MEIOC: variants seen among roughly 807,000 people sequenced by gnomAD.
MEIOC encodes the protein meiosis-specific coiled-coil domain-containing protein MEIOC.
A neutral mutation model predicts 85.3 loss-of-function variants in MEIOC; 9 were observed. The observed-to-expected ratio is 0.11, with a 90% CI of 0.06 to 0.18. MEIOC has a LOEUF of 0.18. Ranked by LOEUF, MEIOC falls within the 10% of genes least tolerant of loss-of-function variation. MEIOC has a pLI of 1.00. For synonymous variants in MEIOC, 365 were observed against 393.7 expected, an observed-to-expected ratio of 0.93 and a Z score of 0.86; for missense variants, 898 against 1,129.4, an observed-to-expected ratio of 0.80 and a Z score of 2.94.
At chr17:44,671,919 A>AG (rs1026743941) in intron 6 of MEIOC, among the ~76,000 whole-genome samples, 2 of 151,580 alleles carry the variant, frequency 1.3e-5, no homozygotes, top group Admixed American at 1.3e-4. Flanking sequence ...AGAAAAAAAA[A>AG]AAATTACTAT....
intron 6 of MEIOC, chr17:44,669,740 G>C (rs982508854): frequency 2.3e-6 from 1 of 432,936 alleles, no homozygotes; most frequent in African/African-American, 2.0e-5. Context: ...TGCGCCTGTA[G>C]TCCCAGCTAC....
At chr17:44,657,641 C>A (rs1340957169) in intron 2 of MEIOC, among the ~76,000 whole-genome samples, 1 of 144,214 alleles carries the variant, frequency 6.9e-6, no homozygotes, top group Non-Finnish European at 1.5e-5. Context: ...TCAACCTCTG[C>A]CTCCGGGGCT....
Position 44,675,638 on chromosome 17 carries a change from C to T in MEIOC, c.*1442C>T, listed in dbSNP as rs1436146266. ...TGATCACTGATATGCCTTAGAACTA[C>T]CCAAATGAATTACATTGAGGGTAGT... On this transcript the variant is annotated 3_prime_UTR_variant, in exon 8 of 8. Transcript: ENST00000409122. 1.0e-6 allele frequency: 1 copy of T among 984,858 alleles called. No homozygotes were observed. The highest frequency in any genetic ancestry group is 1.2e-6 in the Non-Finnish European group (1 of 829,626). 61.0% of individuals were successfully genotyped at this position (984,858 alleles called of 1,614,324 possible). A position where few individuals can be genotyped will look rare whatever the true frequency, so the allele number is the denominator to read the frequency against.
intron 2 of MEIOC, among the ~76,000 whole-genome samples, chr17:44,657,552 G>A (rs1483523999): frequency 6.6e-6 from 1 of 150,894 alleles, no homozygotes; most frequent in African/African-American, 2.4e-5. Flanking sequence ...TGTTTGTTTT[G>A]TTTTTGTTTT....
Position 44,675,702 on chromosome 17 carries a change from A to G in MEIOC, c.*1506A>G. ...TCATCTCACCACAGTCACTGCATAG[A>G]AAGTGGTTAAGTTTAACATAAGACA... is the stretch of plus-strand genomic sequence containing the variant. On this transcript the variant is annotated 3_prime_UTR_variant, in exon 8 of 8. Transcript: ENST00000409122. 1 of 984,666 alleles carries G rather than the reference A, an allele frequency of 1.0e-6. No individual in the cohort carries two copies. Among genetic ancestry groups the G allele is most frequent in the Non-Finnish European group, 1.2e-6 (1 of 829,228 alleles). 61.0% of individuals were successfully genotyped at this position (984,666 alleles called of 1,614,324 possible). A position where few individuals can be genotyped will look rare whatever the true frequency, so the allele number is the denominator to read the frequency against.
chr17:44,659,453 T>C (rs1971816226), intron 2 of MEIOC, among the ~76,000 whole-genome samples: 1 of 152,224 alleles, frequency 6.6e-6, no homozygotes, highest in South Asian at 2.1e-4. Flanking sequence ...CCCACTCAAA[T>C]ATTTGCATAT....
chr17:44,670,797 C>T (rs1971997735), intron 6 of MEIOC: 1 of 151,696 alleles, frequency 6.6e-6, no homozygotes, highest in Admixed American at 6.6e-5. Context: ...CCTCAGCCTA[C>T]CAAAGTGCTG....
chr17:44,659,364 T>C (rs955177107), intron 2 of MEIOC, among the ~76,000 whole-genome samples: 1 of 152,218 alleles, frequency 6.6e-6, no homozygotes, highest in African/African-American at 2.4e-5. Flanking sequence ...TAAAATTTAT[T>C]TGGATTTAAT....
chr17:44,670,275 A>AG (rs1335224026), intron 6 of MEIOC: 1 of 149,726 alleles, frequency 6.7e-6, no homozygotes, highest in African/African-American at 2.5e-5. Context: ...AAAAAAAAAA[A>AG]AAAGAAAAAA....
chr17:44,659,106 TGTAA>T (rs1244673170), intron 2 of MEIOC, among the ~76,000 whole-genome samples: 1 of 152,206 alleles, frequency 6.6e-6, no homozygotes, highest in African/African-American at 2.4e-5. Flanking sequence ...GCTTGGGTAA[TGTAA>T]GTAATTTTCA....
In MEIOC at chr17:44,665,390, A is replaced by G. The variant is rs1387144279; in HGVS notation, c.366A>G (p.Gln122=). The change falls in exon 4 of 8, where the codon CAA becomes CAG. Residue 122 remains glutamine (Q), a synonymous_variant. Transcript: ENST00000409122. ...CGAATTCATTTATTTTTAGGATTCA[A>G]ACAGAAAGAAATGACTATGGCAGTG... is the stretch of plus-strand genomic sequence containing the variant. The part of the protein sequence containing the change: ...NSQISIKNRI[Q]TERNDYGSET... 4 of 1,532,462 alleles carry G rather than the reference A, an allele frequency of 2.6e-6. No homozygotes were observed. The Admixed American group carries it at 6.1e-5, about 23-fold the overall frequency. 94.9% of individuals were successfully genotyped at this position (1,532,462 alleles called of 1,614,324 possible).
intron 6 of MEIOC, chr17:44,671,057 A>T (rs944104681): frequency 6.6e-6 from 1 of 152,118 alleles, no homozygotes; most frequent in Non-Finnish European, 1.5e-5. Context: ...AAAAAAATGC[A>T]GCAAAACGGA....
intron 3 of MEIOC, 130 bp downstream of exon 3, chr17:44,662,601 T>G (rs1183690553): frequency 1.5e-6 from 1 of 673,048 alleles, no homozygotes; most frequent in Non-Finnish European, 2.4e-6. Flanking sequence ...TTCAAACTTT[T>G]AGGAAAGTGT....
chr17:44,663,999 A>G (rs1230542890), intron 3 of MEIOC, among the ~76,000 whole-genome samples: 2 of 152,210 alleles, frequency 1.3e-5, no homozygotes, highest in Non-Finnish European at 2.9e-5. Flanking sequence ...TGCAAATATA[A>G]GGTATTTTAT....
chr17:44,674,275 A>G lies in MEIOC; in HGVS notation c.*79A>G, dbSNP rs7218985. 6,304 of 1,463,462 alleles carry G rather than the reference A, an allele frequency of 4.3e-3. 176 individuals carry two copies. In the African/African-American group the frequency reaches 0.07, roughly 16 times the overall value. The allele number at this position is 1,463,462 out of a possible 1,614,324, so 90.7% of individuals were successfully genotyped here. ...TAAAAATGTTTTAATGAACTTGTCA[A>G]ACTTTCAGTATGTTTTCTTTCAGAT... On this transcript the variant is annotated 3_prime_UTR_variant, in exon 8 of 8. Coordinates refer to ENST00000409122, the MANE Select transcript of MEIOC (RefSeq NM_001145080.3).
At position 44,666,678 on chromosome 17, in the gene MEIOC, C is replaced by T. The variant is rs549436753; in HGVS notation, c.767C>T (p.Ala256Val). 6 of 1,612,100 alleles carry T rather than the reference C, an allele frequency of 3.7e-6. No homozygotes were observed. The East Asian group carries it at 6.7e-5, about 18-fold the overall frequency. ...CACAATATTCAGACAAATGATACAG[C>T]TAAGACAACATTCCAAGAATATCCA... Reference protein sequence around the residue: ...NCHNIQTNDTAKTTFQEYPLI... With the variant: ...NCHNIQTNDTVKTTFQEYPLI... Residue 256 changes from alanine (A) to valine (V), a missense_variant, in exon 5 of 8, where the codon GCT becomes GTT. By Grantham distance (64) the Ala-to-Val change is moderately conservative. Coordinates refer to ENST00000409122, the MANE Select transcript of MEIOC (RefSeq NM_001145080.3).
chr17:44,671,910 G>GA (rs139607132), intron 6 of MEIOC, among the ~76,000 whole-genome samples: 129,955 of 147,234 alleles, frequency 0.88, 57,272 homozygotes, highest in Middle Eastern at 0.93. Flanking sequence ...CGTCTCAAAA[G>GA]AAAAAAAAAA....
At chr17:44,657,342 T>C (rs1228122112) in intron 2 of MEIOC, 81 bp downstream of exon 2, 3 of 1,291,756 alleles carry the variant, frequency 2.3e-6, no homozygotes, top group African/African-American at 3.0e-5. Context: ...AGGTGTTTAA[T>C]GGCTCCACAG....
At chr17:44,659,946 A>G (rs973622344) in intron 2 of MEIOC, among the ~76,000 whole-genome samples, 95 of 152,350 alleles carry the variant, frequency 6.2e-4, no homozygotes, top group Middle Eastern at 6.8e-3. Context: ...GAGAATAGTC[A>G]TAATATAAAC....
Sources: allele counts gnomAD v4.1 joint callset (sites outside exome capture counted in the v4.1 genomes callset), GRCh38; gene constraint gnomAD v4.1.1; transcripts MANE v1.5; gene names NCBI Gene and HGNC (gene_info 2026-07-23, HGNC 2026-07-21).